The following CORO2B variants were observed in gnomAD, a reference collection of about 807,000 sequenced individuals.
The protein encoded by CORO2B is coronin-2B.
A neutral mutation model predicts 58.8 loss-of-function variants in CORO2B; 26 were observed. The observed-to-expected ratio is 0.44, with a 90% CI of 0.32 to 0.61. The LOEUF (loss-of-function observed/expected upper bound fraction) is 0.61. Ranked by LOEUF, CORO2B falls within the 20% of genes least tolerant of loss-of-function variation. CORO2B has a pLI of 0.04. For missense variants in CORO2B, 460 were observed against 645.1 expected (o/e 0.71, Z 3.11); for synonymous variants, 242 against 253.8 (o/e 0.95, Z 0.44).
At chr15:68,527,121 T>G in the CORO2B span, among the ~76,000 whole-genome samples, 1 of 152,222 alleles carries the variant, frequency 6.6e-6, no homozygotes, top group African/African-American at 2.4e-5. Context: ...GATCTTGGAC[T>G]TAACAGCCCC....
intron 2 of CORO2B, among the ~76,000 whole-genome samples, chr15:68,676,110 C>T (rs1471005078): frequency 1.3e-5 from 2 of 152,136 alleles, no homozygotes; most frequent in Admixed American, 1.3e-4. Flanking sequence ...TTGAGTTAGA[C>T]GCTCATCCTG....
chr15:68,648,441 T>G (rs1306807978), intron 2 of CORO2B, among the ~76,000 whole-genome samples: 1 of 151,314 alleles, frequency 6.6e-6, no homozygotes, highest in Non-Finnish European at 1.5e-5. Context: ...GGTCAGGAGA[T>G]CAAGACCATC....
intron 2 of CORO2B, among the ~76,000 whole-genome samples, chr15:68,654,013 G>C (rs1233149393): frequency 6.6e-6 from 1 of 152,148 alleles, no homozygotes; most frequent in Non-Finnish European, 1.5e-5. Flanking sequence ...GGTGCAATTT[G>C]CATCTCAAAG....
the CORO2B span, among the ~76,000 whole-genome samples, chr15:68,532,805 G>T: frequency 6.6e-6 from 1 of 152,182 alleles, no homozygotes; most frequent in Non-Finnish European, 1.5e-5. Context: ...CTTCTTTCAA[G>T]TCTTGTTTAA....
At chr15:68,590,368 C>T (rs1165164662) in intron 1 of CORO2B, among the ~76,000 whole-genome samples, 2 of 152,148 alleles carry the variant, frequency 1.3e-5, no homozygotes, top group African/African-American at 4.8e-5. Context: ...CCCCCCATGC[C>T]CAGCCCTGCA....
chr15:68,527,459 G>A, the CORO2B span, among the ~76,000 whole-genome samples: 21 of 152,058 alleles, frequency 1.4e-4, no homozygotes, highest in East Asian at 4.1e-3. Flanking sequence ...ATTGAAATAT[G>A]TTAACAATCA....
chr15:68,563,730 A>G, the CORO2B span, among the ~76,000 whole-genome samples: 2 of 152,110 alleles, frequency 1.3e-5, no homozygotes, highest in South Asian at 4.1e-4. Flanking sequence ...ACAGAAAGAA[A>G]AAAGATTATA....
At chr15:68,536,366 G>A in the CORO2B span, among the ~76,000 whole-genome samples, 1 of 152,188 alleles carries the variant, frequency 6.6e-6, no homozygotes, top group African/African-American at 2.4e-5. Context: ...TTGTGATTTT[G>A]AATCTTGGCT....
intron 1 of CORO2B, among the ~76,000 whole-genome samples, chr15:68,598,734 C>G (rs28635113): frequency 2.8e-4 from 42 of 152,302 alleles, no homozygotes; most frequent in Middle Eastern, 3.4e-3. Context: ...TGCTGGGCAC[C>G]AAGGAGCTGA....
the CORO2B span, among the ~76,000 whole-genome samples, chr15:68,518,475 TC>T: frequency 6.6e-6 from 1 of 152,226 alleles, no homozygotes; most frequent in Non-Finnish European, 1.5e-5. Context: ...CATTTTCTGT[TC>T]CCTGCCCATT....
At chr15:68,627,814 C>T (rs938295328) in intron 1 of CORO2B, among the ~76,000 whole-genome samples, 2 of 152,260 alleles carry the variant, frequency 1.3e-5, no homozygotes, top group African/African-American at 4.8e-5. Context: ...ATGGGTACAG[C>T]CCCCTTCCTG....
intron 1 of CORO2B, among the ~76,000 whole-genome samples, chr15:68,634,581 A>C (rs1900967535): frequency 6.6e-6 from 1 of 152,150 alleles, no homozygotes. Context: ...TTGCAATGCC[A>C]CTCAGGGACC....
the CORO2B span, among the ~76,000 whole-genome samples, chr15:68,522,237 G>T: frequency 6.6e-6 from 1 of 152,034 alleles, no homozygotes; most frequent in Non-Finnish European, 1.5e-5. Context: ...TGATGTCTTG[G>T]CATTGTTGGA....
intron 3 of CORO2B, among the ~76,000 whole-genome samples, chr15:68,707,428 C>T (rs985407227): frequency 1.5e-4 from 23 of 152,084 alleles, no homozygotes; most frequent in East Asian, 1.9e-4. Flanking sequence ...ACTTGGATTA[C>T]GAGCATGTTT....
chr15:68,719,121 C>T, intron 9 of CORO2B, 23 bp from the exon 10 acceptor site: 2 of 1,593,182 alleles, frequency 1.3e-6, no homozygotes, highest in Non-Finnish European at 1.7e-6. Context: ...CATGTGTCCT[C>T]TCTTCTGCTC....
chr15:68,711,469 G>A (rs1892915517), intron 4 of CORO2B, 73 bp from the exon 5 acceptor site: 2 of 1,406,584 alleles, frequency 1.4e-6, no homozygotes, highest in East Asian at 4.8e-5. Flanking sequence ...GGGCAGTCAA[G>A]TGTGCACTGG....
chr15:68,706,480 T>A (rs1261965322), intron 3 of CORO2B, among the ~76,000 whole-genome samples: 4 of 152,156 alleles, frequency 2.6e-5, no homozygotes, highest in African/African-American at 9.7e-5. Flanking sequence ...TCGGGAGGTG[T>A]TAGTGGAGTT....
intron 1 of CORO2B, among the ~76,000 whole-genome samples, chr15:68,608,686 C>G (rs1191385959): frequency 2.6e-5 from 4 of 152,198 alleles, no homozygotes; most frequent in Non-Finnish European, 4.4e-5. Flanking sequence ...TCCCCATGAA[C>G]AAGCATTCCT....
At chr15:68,561,922 G>A in the CORO2B span, among the ~76,000 whole-genome samples, 1 of 152,166 alleles carries the variant, frequency 6.6e-6, no homozygotes, top group African/African-American at 2.4e-5. Context: ...TGTGTGTTGT[G>A]AGTGTGTACA....
Sources: gnomAD v4.1 joint callset for allele counts (sites outside exome capture counted in the v4.1 genomes callset) on GRCh38, gnomAD v4.1.1 for gene constraint, MANE v1.5 for transcripts, NCBI Gene and HGNC (gene_info 2026-07-23, HGNC 2026-07-21) for gene names.